SLC15A1: variants seen among roughly 807,000 people sequenced by gnomAD.
The protein encoded by SLC15A1 is Caco-2 oligopeptide transporter.
In SLC15A1, 83 loss-of-function variants were observed where a neutral mutation model predicts 92.9. That is an observed-to-expected ratio of 0.89 (90% CI 0.75 to 1.07). The LOEUF is 1.07. Ranked by LOEUF, SLC15A1 falls within the 50% of genes least tolerant of loss-of-function variation. SLC15A1 has a pLI of 0.00. For synonymous variants in SLC15A1, 322 were observed against 318.2 expected (o/e 1.01, Z -0.13); for missense variants, 857 against 880.1 (o/e 0.97, Z 0.33).
chr13:98,692,069 A>G (rs1362088817), intron 18 of SLC15A1, among the ~76,000 whole-genome samples: 1 of 150,728 alleles, frequency 6.6e-6, no homozygotes, highest in Non-Finnish European at 1.5e-5. Flanking sequence ...GCGAAACTCC[A>G]TCTCAAAAAG....
chr13:98,693,332 A>C (rs534037806), intron 18 of SLC15A1, among the ~76,000 whole-genome samples: 1 of 152,096 alleles, frequency 6.6e-6, no homozygotes, highest in Non-Finnish European at 1.5e-5. Flanking sequence ...TCCTGGCCTC[A>C]GGTGACCTGC....
chr13:98,695,020 CA>C (rs1170231960), intron 18 of SLC15A1, among the ~76,000 whole-genome samples: 3,454 of 73,518 alleles, frequency 0.047, 29 homozygotes, highest in East Asian at 0.13. Flanking sequence ...GACTCCGTCT[CA>C]AAAAAAAAAA....
chr13:98,700,569 T>C (rs1316571448), intron 18 of SLC15A1, among the ~76,000 whole-genome samples: 3 of 151,330 alleles, frequency 2.0e-5, no homozygotes, highest in Non-Finnish European at 4.4e-5. Context: ...TTTTCTTCTA[T>C]AGATTGTGTT....
intron 8 of SLC15A1, among the ~76,000 whole-genome samples, chr13:98,718,869 C>G (rs374610050): frequency 5.3e-4 from 80 of 152,278 alleles, no homozygotes; most frequent in Middle Eastern, 3.4e-3. Context: ...ACTTGAACTC[C>G]AGGCTGGTCT....
At position 98,688,321 on chromosome 13, in the gene SLC15A1, G is replaced by A. The variant is rs1201356567; in HGVS notation, c.1610C>T (p.Pro537Leu). 1.2e-6 allele frequency: 2 copies of A among 1,613,978 alleles called. No homozygotes were observed. The highest frequency in any genetic ancestry group is 2.2e-5 in the East Asian group (1 of 44,836). Residue 537 changes from proline (P) to leucine (L), a missense_variant, in exon 20 of 23, where the codon CCA becomes CTA. Coordinates refer to ENST00000376503, the MANE Select transcript of SLC15A1 (RefSeq NM_005073.4). The part of the protein sequence containing the change: ...GFTISSTEIP[P>L]QCQPNFNTFY... ...AGTATTGAAATTAGGTTGACATTGTGGCGGAATCTCTGTTGAGCTTATTGT... is the reference window on the plus strand; with the variant it reads ...AGTATTGAAATTAGGTTGACATTGTAGCGGAATCTCTGTTGAGCTTATTGT...
intron 11 of SLC15A1, among the ~76,000 whole-genome samples, chr13:98,711,497 T>C (rs898202886): frequency 1.3e-5 from 2 of 152,206 alleles, no homozygotes; most frequent in African/African-American, 4.8e-5. Flanking sequence ...TAAAAGGCAA[T>C]GTAACTTGTT....
chr13:98,748,527 T>G (rs999329258), intron 1 of SLC15A1, among the ~76,000 whole-genome samples: 5 of 152,086 alleles, frequency 3.3e-5, no homozygotes, highest in African/African-American at 1.2e-4. Context: ...ACTCCTGAGC[T>G]CAAATGATCC....
chr13:98,714,301 G>A (rs1042021806), intron 9 of SLC15A1, among the ~76,000 whole-genome samples: 8 of 152,126 alleles, frequency 5.3e-5, no homozygotes, highest in Non-Finnish European at 8.8e-5. Flanking sequence ...TGTCCTTGAA[G>A]GGATTTTTTT....
chr13:98,692,136 CTTTTTTTTTTTTTTTT>C (rs528865683), intron 18 of SLC15A1, among the ~76,000 whole-genome samples: 1,177 of 67,674 alleles, frequency 0.017, 38 homozygotes, highest in African/African-American at 0.048. Flanking sequence ...TTCTCCTAAA[CTTTTTTTTTTTTTTTT>C]TTTTTTTTTT....
chr13:98,706,771 T>C (rs1484930542), intron 15 of SLC15A1, among the ~76,000 whole-genome samples: 1 of 152,160 alleles, frequency 6.6e-6, no homozygotes, highest in Non-Finnish European at 1.5e-5. Context: ...TACCCAGTCT[T>C]GGGTACGTCT....
At chr13:98,689,285 C>T (rs564917591) in intron 18 of SLC15A1, among the ~76,000 whole-genome samples, 1 of 152,108 alleles carries the variant, frequency 6.6e-6, no homozygotes, top group Non-Finnish European at 1.5e-5. Context: ...CCAGATGCTG[C>T]CCAGTTCCTA....
At position 98,706,029 on chromosome 13, in the gene SLC15A1, G is replaced by A. The variant is rs1239216949; in HGVS notation, c.1269+105C>T. The A allele has an allele frequency of 5.8e-6, 7 of 1,209,930 alleles. No individual in the cohort carries two copies. In the South Asian group the frequency reaches 1.1e-4, roughly 18 times the overall value. 74.9% of individuals were successfully genotyped at this position (1,209,930 alleles called of 1,614,324 possible). A position where few individuals can be genotyped will look rare whatever the true frequency, so the allele number is the denominator to read the frequency against. ...ATCAAGATCCTTAGTTCACTTCTGG[G>A]CTGGCCTTGGCATTTATACAAGGAC... On this transcript the variant is annotated intron_variant, in intron 16 of 22. Coordinates refer to ENST00000376503, the MANE Select transcript of SLC15A1 (RefSeq NM_005073.4).
At chr13:98,725,148 T>C (rs1157836335) in intron 4 of SLC15A1, among the ~76,000 whole-genome samples, 1 of 152,208 alleles carries the variant, frequency 6.6e-6, no homozygotes, top group Non-Finnish European at 1.5e-5. Context: ...TCCTTCACCT[T>C]CCTCCATGAA....
chr13:98,712,030 A>C, intron 10 of SLC15A1, 87 bp from the exon 11 acceptor site: 2 of 961,830 alleles, frequency 2.1e-6, no homozygotes, highest in East Asian at 2.4e-5. Flanking sequence ...ATTTCAGTGG[A>C]GACACAGATA....
chr13:98,747,525 G>A (rs1025204160), intron 1 of SLC15A1, among the ~76,000 whole-genome samples: 2 of 152,180 alleles, frequency 1.3e-5, no homozygotes, highest in Admixed American at 1.3e-4. Flanking sequence ...CATTGAGTAA[G>A]CCCTGTTTGT....
intron 1 of SLC15A1, among the ~76,000 whole-genome samples, chr13:98,728,327 C>T (rs1052735889): frequency 1.1e-4 from 17 of 152,102 alleles, no homozygotes; most frequent in African/African-American, 3.1e-4. Context: ...TTTGGCTTTT[C>T]GAGGCCTTTT....
intron 20 of SLC15A1, among the ~76,000 whole-genome samples, chr13:98,687,993 T>C (rs1297652532): frequency 1.3e-5 from 2 of 152,222 alleles, no homozygotes; most frequent in African/African-American, 4.8e-5. Flanking sequence ...TTTAAGTCCA[T>C]GTTAATAGTC....
chr13:98,750,090 C>T (rs2088530344), intron 1 of SLC15A1, among the ~76,000 whole-genome samples: 1 of 152,046 alleles, frequency 6.6e-6, no homozygotes. Flanking sequence ...CCAGGTTTGG[C>T]TGTGCATTGC....
intron 19 of SLC15A1, 45 bp from the exon 20 acceptor site, chr13:98,688,401 A>C (rs747825909): frequency 8.1e-6 from 13 of 1,605,854 alleles, no homozygotes; most frequent in Non-Finnish European, 1.1e-5. Flanking sequence ...TTGGCATTAA[A>C]AATTTCAATG....
Sources: gnomAD v4.1 joint callset for allele counts (sites outside exome capture counted in the v4.1 genomes callset) on GRCh38, gnomAD v4.1.1 for gene constraint, MANE v1.5 for transcripts, NCBI Gene and HGNC (gene_info 2026-07-23, HGNC 2026-07-21) for gene names.